The following MDN1 variants were observed in gnomAD, a reference collection of about 807,000 sequenced individuals.
MDN1 encodes midasin AAA ATPase 1.
Under a neutral mutation model 669.2 loss-of-function variants are expected in MDN1, and 266 were observed. That is an observed-to-expected ratio of 0.40 (90% confidence interval 0.36 to 0.44). The LOEUF is 0.44. Ranked by LOEUF, MDN1 falls within the 20% of genes least tolerant of loss-of-function variation. MDN1 has a pLI of 1.00. For missense variants in MDN1, 5,940 were observed against 6,754.0 expected (o/e 0.88, Z 4.22); for synonymous variants, 2,385 against 2,457.1 (o/e 0.97, Z 0.87).
At position 89,712,211 on chromosome 6, in the gene MDN1, G is replaced by A. The variant is rs1382244818; in HGVS notation, c.7476C>T (p.Ser2492=). The change falls in exon 49 of 102, where the codon TCC becomes TCT. Residue 2492 remains serine, a synonymous_variant. Transcript: ENST00000369393. ...TLQDLEKIMQ[S]PSPENLKFNA... ...TGAATTTCAGGTTCTCAGGGCTGGG[G>A]GACTGCATAATTTTCTCTAAGTCTT... 2 of 1,614,016 alleles carry A rather than the reference G, an allele frequency of 1.2e-6. No homozygotes were observed. The highest frequency in any genetic ancestry group is 1.7e-5 in the Admixed American group (1 of 60,014).
At chr6:89,718,104 G>A (rs1814533120) in intron 43 of MDN1, among the ~76,000 whole-genome samples, 1 of 152,092 alleles carries the variant, frequency 6.6e-6, no homozygotes, top group Non-Finnish European at 1.5e-5. Flanking sequence ...AGTTTTACAT[G>A]CTGTTTTATC....
At chr6:89,672,015 G>A (rs1810817043) in intron 82 of MDN1, among the ~76,000 whole-genome samples, 185 bp downstream of exon 82, 1 of 152,206 alleles carries the variant, frequency 6.6e-6, no homozygotes, top group South Asian at 2.1e-4. Flanking sequence ...CAATTAGCTA[G>A]CAAGCCCTAA....
intron 92 of MDN1, 45 bp downstream of exon 92, chr6:89,655,719 T>G (rs767131454): frequency 6.7e-7 from 1 of 1,496,114 alleles, no homozygotes; most frequent in East Asian, 2.4e-5. Context: ...CAAGCTCTCA[T>G]AGAGAGCTCA....
rs1312033205 is a variant in MDN1, at chr6:89,793,937, T to C, written c.680A>G (p.Gln227Arg). The change falls in exon 5 of 102, where the codon CAG becomes CGG. Residue 227 changes from glutamine to arginine, a missense_variant. By Grantham distance (43) the Gln-to-Arg change is conservative (BLOSUM62 1). Around this residue, in one of 5 missense-constraint regions of MDN1, gnomAD observed 1,203 missense variants for 1,268.9 expected, o/e 0.95. Coordinates refer to ENST00000369393, the MANE Select transcript of MDN1 (RefSeq NM_014611.3). ...CAAGGCCTTCTCCAAGTCCTGCAAC[T>C]GGGCCTCTTCTAATAACCTGAGAGA... ...HFRLRLLEEA[Q>R]LQDLEKALVL... is the part of the protein sequence containing the mutation. 1.9e-6 allele frequency: 3 copies of C among 1,613,102 alleles called. No individual in the cohort carries two copies. Among genetic ancestry groups the C allele is most frequent in the Non-Finnish European group, 2.5e-6 (3 of 1,179,418 alleles).
At position 89,699,597 on chromosome 6, in the gene MDN1, T is replaced by C. The variant is rs1337157586; in HGVS notation, c.8997+4A>G. The C allele has an allele frequency of 6.2e-7, 1 of 1,610,716 alleles. No individual in the cohort carries two copies. The highest frequency in any genetic ancestry group is 1.7e-5 in the Admixed American group (1 of 59,472). ...GGAGGCTTATGTCTTATTGTGATTT[T>C]TACCTTCTGATGATGCAGCAAGGAC... On this transcript the variant is annotated splice_donor_region_variant and intron_variant, in intron 58 of 101. Transcript: ENST00000369393.
chr6:89,723,600 G>C lies in MDN1; in HGVS notation c.5690C>G (p.Thr1897Arg). 1 of 1,579,740 alleles carries C rather than the reference G, an allele frequency of 6.3e-7. No individual in the cohort carries two copies. Among genetic ancestry groups the C allele is most frequent in the Non-Finnish European group, 8.6e-7 (1 of 1,162,222 alleles). ...RFTQVFVDPL[T>R]VIDMEFIAST... The stretch of plus-strand genomic sequence containing the variant: ...GGCAATGAACTCCATGTCAATTACT[G>C]TAAGGGGATCAACGAAGACCTAGAA... Residue 1897 changes from threonine (T) to arginine (R), a missense_variant, in exon 39 of 102, where the codon ACA becomes AGA. Physicochemically the swap from Thr to Arg is moderately conservative, Grantham distance 71. Around this residue, in one of 5 missense-constraint regions of MDN1, gnomAD observed 2,292 missense variants for 2,638.3 expected, o/e 0.87. Transcript: ENST00000369393.
At chr6:89,656,607 T>G in intron 91 of MDN1, 93 bp downstream of exon 91, 5 of 980,522 alleles carry the variant, frequency 5.1e-6, no homozygotes, top group South Asian at 1.7e-5. Flanking sequence ...ACCAGGAGTA[T>G]AGCTTTTTTT....
chr6:89,779,863 C>T (rs562010335), intron 11 of MDN1, among the ~76,000 whole-genome samples: 107 of 152,082 alleles, frequency 7.0e-4, no homozygotes, highest in African/African-American at 2.2e-3. Context: ...GTCAGGAGAT[C>T]GAGACCAGCC....
chr6:89,759,065 C>T (rs1584328390), intron 17 of MDN1, 105 bp from the exon 18 acceptor site: 1 of 1,115,512 alleles, frequency 9.0e-7, no homozygotes, highest in Non-Finnish European at 1.3e-6. Flanking sequence ...GCAAATCTTT[C>T]CTACTTGATG....
intron 97 of MDN1, among the ~76,000 whole-genome samples, chr6:89,648,858 C>A (rs1808662180): frequency 6.7e-6 from 1 of 149,692 alleles, no homozygotes; most frequent in African/African-American, 2.5e-5. Context: ...GTGACACACA[C>A]CTATGGTCCC....
chr6:89,723,063 G>A lies in MDN1; in HGVS notation c.5859C>T (p.Arg1953=), dbSNP rs777919421. Residue 1953 remains arginine (R), a synonymous_variant, in exon 40 of 102, where the codon CGC becomes CGT. Coordinates refer to ENST00000369393, the MANE Select transcript of MDN1 (RefSeq NM_014611.3). ...GGTCAACCAGCATCAACTGACACCA[G>A]CGGAAAAGGTCCCGGAGGTTGAATT... ...PWEFNLRDLF[R]WCQLMLVDQS... is the part of the protein sequence containing the mutation. The A allele has an allele frequency of 6.2e-7, 1 of 1,614,040 alleles. No homozygotes were observed.
At chr6:89,801,089 C>CT (rs1767626901) in intron 2 of MDN1, among the ~76,000 whole-genome samples, 1 of 152,216 alleles carries the variant, frequency 6.6e-6, no homozygotes, top group Admixed American at 6.5e-5. Context: ...AGGTTACACT[C>CT]TGATATAACA....
intron 1 of MDN1, among the ~76,000 whole-genome samples, chr6:89,814,343 A>C (rs1239188087): frequency 6.6e-6 from 1 of 152,030 alleles, no homozygotes; most frequent in Non-Finnish European, 1.5e-5. Context: ...ACAGACAGCA[A>C]ACCCTGAAAG....
chr6:89,663,064 A>G (rs1280685859), intron 85 of MDN1, 97 bp from the exon 86 acceptor site: 26 of 1,373,644 alleles, frequency 1.9e-5, no homozygotes, highest in Non-Finnish European at 2.4e-5. Flanking sequence ...CAAGGGCCCC[A>G]CCTGAGATTT....
chr6:89,723,025 C>A lies in MDN1; in HGVS notation c.5897G>T (p.Cys1966Phe). 6.2e-7 allele frequency: 1 copy of A among 1,614,038 alleles called. No homozygotes were observed. Among genetic ancestry groups the A allele is most frequent in the Non-Finnish European group, 8.5e-7 (1 of 1,179,950 alleles). Residue 1966 changes from cysteine (C) to phenylalanine (F), a missense_variant, in exon 40 of 102, where the codon TGT becomes TTT. Coordinates refer to ENST00000369393, the MANE Select transcript of MDN1 (RefSeq NM_014611.3). ...QLMLVDQSPG[C>F]YDPGQHVFLV... ...AAACACATGCTGACCAGGATCATAACACCCAGGGGACTGGTCAACCAGCAT... is the reference window on the plus strand; with the variant it reads ...AAACACATGCTGACCAGGATCATAAAACCCAGGGGACTGGTCAACCAGCAT...
At chr6:89,686,544 A>G (rs1056210723) in intron 69 of MDN1, among the ~76,000 whole-genome samples, 10 of 152,268 alleles carry the variant, frequency 6.6e-5, no homozygotes, top group African/African-American at 2.4e-4. Flanking sequence ...TGTCACAAGT[A>G]TAAAATAAAA....
intron 20 of MDN1, among the ~76,000 whole-genome samples, chr6:89,755,499 G>A (rs1174032504): frequency 6.6e-6 from 1 of 151,768 alleles, no homozygotes; most frequent in Non-Finnish European, 1.5e-5. Context: ...TAGAATTAAA[G>A]CTCAATGAGA....
intron 18 of MDN1, 77 bp from the exon 19 acceptor site, chr6:89,758,428 G>C: frequency 8.6e-7 from 1 of 1,168,756 alleles, no homozygotes; most frequent in Non-Finnish European, 1.2e-6. Flanking sequence ...CAGCCAGCCT[G>C]ATGCTGGCTG....
chr6:89,798,885 T>A (rs767887833), intron 2 of MDN1, among the ~76,000 whole-genome samples: 5 of 152,200 alleles, frequency 3.3e-5, no homozygotes, highest in Non-Finnish European at 7.3e-5. Context: ...ACCTTTAGCT[T>A]CCTACCATTC....
Sources: gnomAD v4.1 joint callset for allele counts (sites outside exome capture counted in the v4.1 genomes callset) on GRCh38, gnomAD v4.1.1 for gene constraint, gnomAD v4.1.1 regional missense constraint, MANE v1.5 for transcripts, NCBI Gene and HGNC (gene_info 2026-07-23, HGNC 2026-07-21) for gene names.